ADCY5: variants seen among roughly 807,000 people sequenced by gnomAD.
ADCY5 encodes the protein adenylate cyclase 5.
In ADCY5, 30 loss-of-function variants were observed where a neutral mutation model predicts 119.7. The ratio of observed to expected loss-of-function variants is 0.25; its 90% CI spans 0.19 to 0.34. The LOEUF (loss-of-function observed/expected upper bound fraction) is 0.34, where lower values mean the gene tolerates loss of function less well. Among genes scored for constraint, ADCY5 ranks in the 10% least tolerant of loss-of-function variants. The pLI, the probability that ADCY5 is intolerant of heterozygous loss-of-function variation, is 1.00. For synonymous variants in ADCY5, 753 were observed against 762.2 expected (o/e 0.99, Z 0.20); for missense variants, 1,324 against 1,775.2 (o/e 0.75, Z 4.57).
chr3:123,378,228 G>A (rs1407755873), intron 1 of ADCY5, among the ~76,000 whole-genome samples: 1 of 152,146 alleles, frequency 6.6e-6, no homozygotes, highest in Non-Finnish European at 1.5e-5. Context: ...CCTGGGAGGG[G>A]TGGATACCCT....
chr3:123,365,123 G>A (rs764422466), intron 1 of ADCY5, among the ~76,000 whole-genome samples: 3 of 151,954 alleles, frequency 2.0e-5, no homozygotes, highest in Non-Finnish European at 4.4e-5. Flanking sequence ...TAGTAGAGAC[G>A]AGGTTTGTAT....
chr3:123,401,264 C>CCGGGT (rs1162609281), intron 1 of ADCY5, among the ~76,000 whole-genome samples: 2 of 152,154 alleles, frequency 1.3e-5, no homozygotes, highest in African/African-American at 4.8e-5. Flanking sequence ...GTAGGTCAGA[C>CCGGGT]AGGTGGTAAA....
At chr3:123,322,534 G>A (rs1229503190) in intron 8 of ADCY5, among the ~76,000 whole-genome samples, 3 of 152,108 alleles carry the variant, frequency 2.0e-5, no homozygotes, top group Non-Finnish European at 4.4e-5. Flanking sequence ...CATGGCAGGG[G>A]GGCCATTAAA....
intron 11 of ADCY5, 118 bp from the exon 12 acceptor site, chr3:123,314,440 A>G: frequency 1.4e-6 from 1 of 735,934 alleles, no homozygotes; most frequent in African/African-American, 1.8e-5. Flanking sequence ...ACAGCTTCAG[A>G]GGGCCTGGGC....
intron 1 of ADCY5, among the ~76,000 whole-genome samples, chr3:123,441,329 A>G (rs1391799560): frequency 6.6e-6 from 1 of 152,234 alleles, no homozygotes; most frequent in African/African-American, 2.4e-5. Flanking sequence ...TTAAGAATCA[A>G]TGATGCAGTC....
chr3:123,307,465 A>AT (rs985618504), intron 12 of ADCY5, among the ~76,000 whole-genome samples: 2 of 152,326 alleles, frequency 1.3e-5, no homozygotes, highest in African/African-American at 2.4e-5. Flanking sequence ...TAATATCTGC[A>AT]TTTTAAAGAG....
In ADCY5 at chr3:123,364,777, GA is replaced by G. The variant is rs373166381; in HGVS notation, c.1135-12197del. On this transcript the variant is annotated intron_variant, in intron 1 of 20. Coordinates refer to ENST00000462833, the MANE Select transcript of ADCY5 (RefSeq NM_183357.3). Reference sequence around the variant, plus strand: ...GGAACACTTCGAAATCATAGAAAAGGAAAAAAAAATCAATTATCACCCAAAG... The same window carrying G: ...GGAACACTTCGAAATCATAGAAAAGGAAAAAAAATCAATTATCACCCAAAG... Among the ~76,000 whole-genome samples, 1,401 of 150,774 alleles carry G rather than the reference GA, an allele frequency of 9.3e-3. 16 individuals carry two copies. The highest frequency in any genetic ancestry group is 0.032 in the African/African-American group (1,300 of 41,112).
At chr3:123,330,754 G>T in intron 5 of ADCY5, 135 bp downstream of exon 5, 5 of 1,210,366 alleles carry the variant, frequency 4.1e-6, no homozygotes, top group South Asian at 1.7e-5. Context: ...CCCTCAGCTT[G>T]GCTGGGCACC....
chr3:123,429,683 A>AAGAGGGC (rs1945484181), intron 1 of ADCY5, among the ~76,000 whole-genome samples: 1 of 152,180 alleles, frequency 6.6e-6, no homozygotes, highest in Non-Finnish European at 1.5e-5. Context: ...GCCCATCCTC[A>AAGAGGGC]AGAGGGCAGG....
chr3:123,408,067 C>T (rs1421854730), intron 1 of ADCY5, among the ~76,000 whole-genome samples: 2 of 151,864 alleles, frequency 1.3e-5, no homozygotes, highest in Non-Finnish European at 2.9e-5. Flanking sequence ...TGTACAGTGG[C>T]CACATAAAAA....
At chr3:123,318,462 C>G (rs1380290280) in intron 10 of ADCY5, among the ~76,000 whole-genome samples, 1 of 152,156 alleles carries the variant, frequency 6.6e-6, no homozygotes, top group East Asian at 1.9e-4. Context: ...CCAGCACCCC[C>G]ACAACAGCCC....
chr3:123,332,671 G>C lies in ADCY5; in HGVS notation c.1411C>G (p.Leu471Val). The change falls in exon 4 of 21, where the codon CTG (leucine) becomes GTG (valine). Residue 471 changes from leucine (L) to valine (V), a missense_variant. Physicochemically the swap from Leu to Val is conservative, Grantham distance 32 (BLOSUM62 1). Coordinates refer to ENST00000462833, the MANE Select transcript of ADCY5 (RefSeq NM_183357.3). ...YIQKHDNVSILFADIEGFTSL... is the reference protein window; with the variant it reads ...YIQKHDNVSIVFADIEGFTSL... The stretch of plus-strand genomic sequence containing the variant: ...GTGAAGCCCTCGATGTCAGCAAACA[G>C]GATGCTGGGGGACAGGCAGAGGAGG... 6.2e-7 allele frequency: 1 copy of C among 1,605,676 alleles called. No homozygotes were observed. Among genetic ancestry groups the C allele is most frequent in the Non-Finnish European group, 8.5e-7 (1 of 1,172,754 alleles).
intron 1 of ADCY5, among the ~76,000 whole-genome samples, chr3:123,430,077 C>A (rs765129003): frequency 1.3e-5 from 2 of 152,176 alleles, no homozygotes; most frequent in Admixed American, 6.5e-5. Flanking sequence ...CATCTGTCCA[C>A]GGCAAACACA....
intron 12 of ADCY5, among the ~76,000 whole-genome samples, chr3:123,309,403 C>G (rs565675428): frequency 6.6e-6 from 1 of 152,360 alleles, no homozygotes; most frequent in South Asian, 2.1e-4. Context: ...CAGGAGTCAA[C>G]TGGATATATT....
At chr3:123,294,655 G>A (rs559109389) in intron 17 of ADCY5, among the ~76,000 whole-genome samples, 2 of 152,300 alleles carry the variant, frequency 1.3e-5, no homozygotes, top group South Asian at 2.1e-4. Context: ...AGGATCTACT[G>A]CAGACTGGAA....
At chr3:123,308,333 G>A (rs998552774) in intron 12 of ADCY5, among the ~76,000 whole-genome samples, 9 of 151,214 alleles carry the variant, frequency 6.0e-5, no homozygotes, top group Admixed American at 2.6e-4. Context: ...CACTGCACCC[G>A]GCCACACTCT....
chr3:123,284,837 C>T (rs1938625634), intron 20 of ADCY5, 101 bp from the exon 21 acceptor site: 1 of 1,503,974 alleles, frequency 6.6e-7, no homozygotes, highest in East Asian at 2.3e-5. Flanking sequence ...TGTTGCCGCC[C>T]CTGACACAGA....
At chr3:123,390,644 G>T (rs575637349) in intron 1 of ADCY5, among the ~76,000 whole-genome samples, 2 of 152,358 alleles carry the variant, frequency 1.3e-5, no homozygotes, top group African/African-American at 4.8e-5. Flanking sequence ...CAGAGGGCTG[G>T]GCTTGGCCTC....
At chr3:123,372,083 C>A (rs773392360) in intron 1 of ADCY5, among the ~76,000 whole-genome samples, 1 of 152,202 alleles carries the variant, frequency 6.6e-6, no homozygotes, top group Non-Finnish European at 1.5e-5. Context: ...GCTGACACTG[C>A]ACTTACTGCT....
Sources: gnomAD v4.1 joint callset for allele counts (sites outside exome capture counted in the v4.1 genomes callset) on GRCh38, gnomAD v4.1.1 for gene constraint, MANE v1.5 for transcripts, NCBI Gene and HGNC (gene_info 2026-07-23, HGNC 2026-07-21) for gene names.